The following NCKAP5 variants were observed in gnomAD, a reference collection of about 807,000 sequenced individuals.
NCKAP5 encodes the protein nck-associated protein 5.
A neutral mutation model predicts 167.0 loss-of-function variants in NCKAP5; 92 were observed. The ratio of observed to expected loss-of-function variants is 0.55; its 90% confidence interval spans 0.47 to 0.66. The LOEUF (loss-of-function observed/expected upper bound fraction) is 0.66. Ranked by LOEUF, NCKAP5 falls within the 30% of genes least tolerant of loss-of-function variation. The pLI is 0.00. For synonymous variants in NCKAP5, 891 were observed against 877.4 expected, an observed-to-expected ratio of 1.02 and a Z score of -0.27; for missense variants, 2,378 against 2,315.0, an observed-to-expected ratio of 1.03 and a Z score of -0.56.
chr2:132,888,690 C>G (rs1692446180), intron 8 of NCKAP5, among the ~76,000 whole-genome samples: 1 of 152,170 alleles, frequency 6.6e-6, no homozygotes, highest in South Asian at 2.1e-4. Context: ...TGCACCCTGC[C>G]CAGTGTGTAT....
At chr2:133,670,510 G>A in the NCKAP5 span, among the ~76,000 whole-genome samples, 36 of 152,128 alleles carry the variant, frequency 2.4e-4, no homozygotes, top group Admixed American at 1.3e-4. Context: ...CACAGACTTC[G>A]AGAAAACATA....
At chr2:133,427,918 T>C (rs1422392357) in intron 3 of NCKAP5, among the ~76,000 whole-genome samples, 2 of 152,116 alleles carry the variant, frequency 1.3e-5, no homozygotes, top group African/African-American at 2.4e-5. Context: ...TTTACCCAGA[T>C]AGTTCAAAGA....
At chr2:132,986,497 TACTC>T (rs1193746277) in intron 7 of NCKAP5, among the ~76,000 whole-genome samples, 1 of 152,192 alleles carries the variant, frequency 6.6e-6, no homozygotes, top group Non-Finnish European at 1.5e-5. Context: ...GTGATTCTGA[TACTC>T]AGTCAGGGCT....
chr2:133,636,367 A>G, the NCKAP5 span, among the ~76,000 whole-genome samples: 1 of 152,348 alleles, frequency 6.6e-6, no homozygotes, highest in Admixed American at 6.5e-5. Context: ...ATGCAAAAAC[A>G]GTAAGAAAAA....
chr2:133,492,717 T>C (rs1681583004), intron 3 of NCKAP5, among the ~76,000 whole-genome samples: 2 of 152,248 alleles, frequency 1.3e-5, no homozygotes, highest in South Asian at 4.1e-4. Flanking sequence ...GAAAGCATTT[T>C]CTGTTCTAAA....
At chr2:133,331,038 G>T (rs943673838) in intron 3 of NCKAP5, among the ~76,000 whole-genome samples, 8 of 152,100 alleles carry the variant, frequency 5.3e-5, no homozygotes, top group Non-Finnish European at 8.8e-5. Context: ...CAAAAAATGA[G>T]CAAATATGTG....
intron 3 of NCKAP5, among the ~76,000 whole-genome samples, chr2:133,477,343 C>T (rs16825505): frequency 0.097 from 14,774 of 152,182 alleles, 1,049 homozygotes; most frequent in African/African-American, 0.19. Flanking sequence ...GCTGTATCCT[C>T]CCTTTGATAA....
intron 5 of NCKAP5, among the ~76,000 whole-genome samples, chr2:133,143,993 T>C (rs1189739104): frequency 6.6e-5 from 10 of 152,092 alleles, no homozygotes; most frequent in Admixed American, 6.6e-4. Flanking sequence ...AACTGATGCA[T>C]TTAAGCCTCT....
At chr2:133,580,994 C>T in the NCKAP5 span, among the ~76,000 whole-genome samples, 4 of 152,190 alleles carry the variant, frequency 2.6e-5, no homozygotes. Context: ...CTTCCTCTTT[C>T]CCTTCCTCTT....
intron 4 of NCKAP5, among the ~76,000 whole-genome samples, chr2:133,248,127 G>A (rs181347624): frequency 1.3e-5 from 2 of 152,302 alleles, no homozygotes; most frequent in Admixed American, 1.3e-4. Context: ...TCCATGTGCA[G>A]TTGCTTTCAT....
intron 6 of NCKAP5, among the ~76,000 whole-genome samples, chr2:133,066,015 G>C (rs529817654): frequency 1.3e-5 from 2 of 152,292 alleles, no homozygotes; most frequent in South Asian, 2.1e-4. Context: ...TCTAAGGAAG[G>C]AGTGTGTGAG....
At chr2:133,479,028 A>G (rs1401978169) in intron 3 of NCKAP5, among the ~76,000 whole-genome samples, 1 of 152,202 alleles carries the variant, frequency 6.6e-6, no homozygotes, top group Non-Finnish European at 1.5e-5. Context: ...TGGTTATTAA[A>G]ATAAATGTGT....
chr2:133,372,272 C>A (rs1032451977), intron 3 of NCKAP5, among the ~76,000 whole-genome samples: 4 of 152,012 alleles, frequency 2.6e-5, no homozygotes, highest in Non-Finnish European at 5.9e-5. Flanking sequence ...GCTGGGTCTG[C>A]CTTGAAGGTT....
intron 3 of NCKAP5, among the ~76,000 whole-genome samples, chr2:133,426,440 CA>C (rs77474242): frequency 0.077 from 5,632 of 72,972 alleles, 231 homozygotes; most frequent in African/African-American, 0.2. Flanking sequence ...TAAAGTCTTC[CA>C]AAAAAAAAAA....
At chr2:133,672,231 G>C in the NCKAP5 span, among the ~76,000 whole-genome samples, 1 of 151,416 alleles carries the variant, frequency 6.6e-6, no homozygotes, top group Non-Finnish European at 1.5e-5. Context: ...GATGGGGAAG[G>C]GTTTGTTGAT....
At chr2:132,912,535 T>C (rs1392911738) in intron 8 of NCKAP5, among the ~76,000 whole-genome samples, 1 of 152,196 alleles carries the variant, frequency 6.6e-6, no homozygotes, top group Non-Finnish European at 1.5e-5. Context: ...TGTGTACATA[T>C]CTACAAACTG....
the NCKAP5 span, among the ~76,000 whole-genome samples, chr2:133,574,167 G>A: frequency 2.0e-5 from 3 of 152,102 alleles, no homozygotes; most frequent in Non-Finnish European, 2.9e-5. Context: ...ACTTTCCCCT[G>A]TGTGAAACCT....
At chr2:133,147,512 C>G (rs1374321772) in intron 5 of NCKAP5, among the ~76,000 whole-genome samples, 2 of 152,116 alleles carry the variant, frequency 1.3e-5, no homozygotes, top group African/African-American at 4.8e-5. Flanking sequence ...TGGAGTCACT[C>G]CTAAAATCAC....
chr2:133,229,273 T>G (rs1057246026), intron 4 of NCKAP5, among the ~76,000 whole-genome samples: 10 of 152,222 alleles, frequency 6.6e-5, no homozygotes, highest in Non-Finnish European at 4.4e-5. Flanking sequence ...GTATTCATAA[T>G]TATCATCTAT....
Sources: gnomAD v4.1 joint callset for allele counts (sites outside exome capture counted in the v4.1 genomes callset) on GRCh38, gnomAD v4.1.1 for gene constraint, MANE v1.5 for transcripts, NCBI Gene and HGNC (gene_info 2026-07-23, HGNC 2026-07-21) for gene names.